Variants in DAB1 observed in about 807,000 individuals in gnomAD.
DAB1 encodes the protein disabled homolog 1.
DAB1 carries 15 observed loss-of-function variants against 64.6 expected under a neutral mutation model. The ratio of observed to expected loss-of-function variants is 0.23; its 90% CI spans 0.16 to 0.36. DAB1 has a LOEUF of 0.36. DAB1 is among the 10% of genes least tolerant of loss of function. DAB1 has a pLI of 1.00. For synonymous variants in DAB1, 235 were observed against 251.9 expected (o/e 0.93, Z 0.64); for missense variants, 596 against 706.7 (o/e 0.84, Z 1.78).
At chr1:58,301,298 C>T (rs999934612) in intron 4 of DAB1, among the ~76,000 whole-genome samples, 2 of 152,006 alleles carry the variant, frequency 1.3e-5, no homozygotes, top group African/African-American at 4.8e-5. Context: ...GCACTAAACC[C>T]ACACCGACCG....
At chr1:57,857,041 A>C (rs1322288790) in intron 1 of DAB1, among the ~76,000 whole-genome samples, 1 of 152,184 alleles carries the variant, frequency 6.6e-6, no homozygotes. Context: ...GCATCTTTGG[A>C]AAGTGTTCAT....
At chr1:57,945,995 C>T (rs1414665670) in intron 5 of DAB1, among the ~76,000 whole-genome samples, 1 of 152,208 alleles carries the variant, frequency 6.6e-6, no homozygotes. Context: ...ATCTAATCCA[C>T]ACAACAGGTC....
intron 1 of DAB1, among the ~76,000 whole-genome samples, chr1:57,392,628 A>G (rs1192111505): frequency 2.0e-5 from 3 of 152,246 alleles, no homozygotes; most frequent in Admixed American, 2.0e-4. Context: ...GTTTGAGAAA[A>G]CAGGAGAAAT....
intron 4 of DAB1, chr1:58,228,558 AG>A: frequency 4.7e-6 from 2 of 421,150 alleles, no homozygotes; most frequent in Non-Finnish European, 9.0e-6. Context: ...TGGATATGGC[AG>A]GGGGAGGGGG....
chr1:58,400,963 G>C (rs939364847), intron 3 of DAB1, among the ~76,000 whole-genome samples: 2 of 152,100 alleles, frequency 1.3e-5, no homozygotes, highest in Non-Finnish European at 2.9e-5. Flanking sequence ...GAGGCAGTGT[G>C]GTCTAATGGA....
intron 4 of DAB1, among the ~76,000 whole-genome samples, chr1:57,097,763 ATTATTTAT>A (rs146708228): frequency 0.61 from 91,164 of 149,260 alleles, 28,394 homozygotes; most frequent in East Asian, 0.85. Flanking sequence ...TATTTTTATT[ATTATTTAT>A]TTATTTATTT....
At chr1:57,681,234 A>G (rs747014047) in intron 6 of DAB1, among the ~76,000 whole-genome samples, 7 of 152,184 alleles carry the variant, frequency 4.6e-5, no homozygotes, top group Non-Finnish European at 8.8e-5. Flanking sequence ...TCATCGTCAC[A>G]TGGTATTCTC....
At chr1:57,567,989 C>A (rs895628136) in intron 7 of DAB1, among the ~76,000 whole-genome samples, 1 of 152,162 alleles carries the variant, frequency 6.6e-6, no homozygotes, top group Non-Finnish European at 1.5e-5. Flanking sequence ...GCCAAAAGAA[C>A]AAAGCTGGAG....
chr1:58,354,610 T>C (rs546279176), intron 3 of DAB1, among the ~76,000 whole-genome samples: 2 of 152,234 alleles, frequency 1.3e-5, no homozygotes, highest in African/African-American at 4.8e-5. Flanking sequence ...GTCTCTTATG[T>C]GTCTGAGAGG....
chr1:57,641,378 G>GTTTTTTTTTTTTTTTTTTTTTTTTTTTT (rs1491296848), intron 7 of DAB1, among the ~76,000 whole-genome samples: 1 of 109,804 alleles, frequency 9.1e-6, no homozygotes, highest in African/African-American at 3.3e-5. Context: ...TTTTTTTGTT[G>GTTTTTTTTTTTTTTTTTTTTTTTTTTTT]GTTTTTTTTT....
chr1:57,453,101 G>C (rs542796324), intron 7 of DAB1, among the ~76,000 whole-genome samples: 2 of 152,074 alleles, frequency 1.3e-5, no homozygotes, highest in African/African-American at 4.8e-5. Flanking sequence ...AAAGAAGGGA[G>C]AGAAACTAAG....
At chr1:57,320,071 GCTT>G (rs1035814315) in intron 1 of DAB1, among the ~76,000 whole-genome samples, 1 of 152,144 alleles carries the variant, frequency 6.6e-6, no homozygotes, top group Non-Finnish European at 1.5e-5. Flanking sequence ...ATAACAAATG[GCTT>G]TATTCCTTAA....
At chr1:57,393,100 C>T (rs1038572563) in intron 1 of DAB1, among the ~76,000 whole-genome samples, 3 of 152,030 alleles carry the variant, frequency 2.0e-5, no homozygotes, top group Non-Finnish European at 4.4e-5. Flanking sequence ...TATATGTATA[C>T]ATTGTGGAAT....
intron 1 of DAB1, among the ~76,000 whole-genome samples, chr1:57,357,519 C>CT (rs35457403): frequency 0.24 from 29,389 of 122,636 alleles, 3,739 homozygotes; most frequent in Non-Finnish European, 0.28. Flanking sequence ...CACCTTCTTC[C>CT]TTTTTTTTTT....
rs150888951 is a variant in DAB1 at position 57,277,256 on chromosome 1, C to A, written c.67+13708G>T. Among the ~76,000 whole-genome samples, 66 of 152,252 alleles carry A rather than the reference C, an allele frequency of 4.3e-4. No homozygotes were observed. The East Asian group carries it at 0.011, about 25-fold the overall frequency. On this transcript the variant is annotated intron_variant, in intron 2 of 14. Transcript: ENST00000371236. ...TGCTTGGGTTTAAATCCTAACTCTG[C>A]TAGTTTCTAGCTGTGGGCAGGATAC... is the stretch of plus-strand genomic sequence containing the variant.
chr1:58,063,726 CA>C (rs1648658524), intron 5 of DAB1, among the ~76,000 whole-genome samples: 1 of 152,134 alleles, frequency 6.6e-6, no homozygotes, highest in Non-Finnish European at 1.5e-5. Context: ...TTGCCTAGTC[CA>C]CAATTTAACC....
Position 56,997,299 on chromosome 1 carries a change from C to A in DAB1, c.*845G>T, listed in dbSNP as rs1299639005. 1 of 152,190 alleles carries A rather than the reference C, an allele frequency of 6.6e-6. No homozygotes were observed. Among genetic ancestry groups the A allele is most frequent in the Non-Finnish European group, 1.5e-5 (1 of 68,030 alleles). 9.4% of individuals were successfully genotyped at this position (152,190 alleles called of 1,614,324 possible). A position where few individuals can be genotyped will look rare whatever the true frequency, so the allele number is the denominator to read the frequency against. The stretch of plus-strand genomic sequence containing the variant: ...CAGATGCATTTTTCATCTTTCTCAT[C>A]AATGGGATCTGATGTCTTTTCCTAC... On this transcript the variant is annotated 3_prime_UTR_variant, in exon 15 of 15. Transcript: ENST00000371236.
chr1:58,431,735 CT>C (rs1044934822), intron 3 of DAB1, among the ~76,000 whole-genome samples: 18 of 151,182 alleles, frequency 1.2e-4, no homozygotes, highest in South Asian at 6.3e-4. Flanking sequence ...TTCTTCTTCC[CT>C]TTTTTTTTCT....
At chr1:57,624,074 G>A (rs1645893971) in intron 7 of DAB1, among the ~76,000 whole-genome samples, 1 of 152,218 alleles carries the variant, frequency 6.6e-6, no homozygotes, top group Admixed American at 6.5e-5. Context: ...ACCTCTCTGG[G>A]AGTCAAAGGG....
Sources: gnomAD v4.1 joint callset for allele counts (sites outside exome capture counted in the v4.1 genomes callset) on GRCh38, gnomAD v4.1.1 for gene constraint, MANE v1.5 for transcripts, NCBI Gene and HGNC (gene_info 2026-07-23, HGNC 2026-07-21) for gene names.